FOXN1: variants seen among roughly 807,000 people sequenced by gnomAD.
FOXN1 encodes forkhead box protein N1.
In FOXN1, 15 loss-of-function variants were observed where a neutral mutation model predicts 49.0. That is an observed-to-expected ratio of 0.31 (90% CI 0.20 to 0.47). The LOEUF (loss-of-function observed/expected upper bound fraction) is 0.47, where lower values mean the gene tolerates loss of function less well. Ranked by LOEUF, FOXN1 falls within the 20% of genes least tolerant of loss-of-function variation. FOXN1 has a pLI of 1.00. For synonymous variants in FOXN1, 356 were observed against 369.0 expected, an observed-to-expected ratio of 0.96 and a Z score of 0.40; for missense variants, 800 against 842.8, an observed-to-expected ratio of 0.95 and a Z score of 0.63.
chr17:28,514,674 C>T (rs1180225348), intron 1 of FOXN1, among the ~76,000 whole-genome samples: 3 of 152,164 alleles, frequency 2.0e-5, no homozygotes, highest in African/African-American at 7.2e-5. Flanking sequence ...AAACATGCTG[C>T]CGCAGCCAGC....
At position 28,534,031 on chromosome 17, in the gene FOXN1, G is replaced by T. The variant is rs951582889; in HGVS notation, c.928-300G>T. Among the ~76,000 whole-genome samples the T allele has an allele frequency of 2.6e-5, 4 of 152,176 alleles. No individual in the cohort carries two copies. The highest frequency in any genetic ancestry group is 9.7e-5 in the African/African-American group (4 of 41,444). Reference sequence around the variant, plus strand: ...TTGTGGGTCAGAAGGCCTCTGTAGCGCCCACCAGCCCTGGCTTTCCGAATC... The same window carrying T: ...TTGTGGGTCAGAAGGCCTCTGTAGCTCCCACCAGCCCTGGCTTTCCGAATC... On this transcript the variant is annotated intron_variant, in intron 6 of 8. Transcript: ENST00000579795. The surrounding 1 kb of genome is among the most constrained non-coding windows in gnomAD (Gnocchi z 4.1).
chr17:28,533,975 G>T (rs1456415892), intron 6 of FOXN1, among the ~76,000 whole-genome samples: 1 of 152,224 alleles, frequency 6.6e-6, no homozygotes, highest in East Asian at 1.9e-4. Context: ...GAGACCCAGT[G>T]GGGAGTGGCT....
chr17:28,530,014 T>TAA (rs59048773), intron 5 of FOXN1, among the ~76,000 whole-genome samples: 4 of 128,974 alleles, frequency 3.1e-5, no homozygotes, highest in African/African-American at 8.5e-5. Context: ...TATTCCTCTT[T>TAA]AAAAAAAAAA....
At chr17:28,526,414 G>A (rs1266856753) in intron 3 of FOXN1, among the ~76,000 whole-genome samples, 2 of 152,238 alleles carry the variant, frequency 1.3e-5, no homozygotes, top group African/African-American at 2.4e-5. Flanking sequence ...ACCCCAGGAA[G>A]TGCAATCCGC....
Position 28,518,558 on chromosome 17 carries a change from C to A in FOXN1, c.-14-5398C>A, listed in dbSNP as rs557526429. Among the ~76,000 whole-genome samples the A allele has an allele frequency of 4.6e-5, 7 of 152,312 alleles. No homozygotes were observed. The East Asian group carries it at 1.3e-3, about 29-fold the overall frequency. On this transcript the variant is annotated intron_variant, in intron 1 of 8. Coordinates refer to ENST00000579795, the MANE Select transcript of FOXN1 (RefSeq NM_001369369.1). ...GATGATTATTGATCCTGTTGTCAGC[C>A]TTTCTGGGAAATTTCTCACTCGTCA...
chr17:28,538,399 C>T lies in FOXN1; in HGVS notation c.*963C>T, dbSNP rs1281896169. 6.6e-6 allele frequency: 1 copy of T among 152,242 alleles called. No individual in the cohort carries two copies. The highest frequency in any genetic ancestry group is 1.5e-5 in the Non-Finnish European group (1 of 68,044). 9.4% of individuals were successfully genotyped at this position (152,242 alleles called of 1,614,324 possible). A position where few individuals can be genotyped will look rare whatever the true frequency, so the allele number is the denominator to read the frequency against. ...ACTTTAAGATGGTGCAAAAGCAATA[C>T]ACATTCAGTATGTTCCTCGACTTAG... On this transcript the variant is annotated 3_prime_UTR_variant, in exon 9 of 9. Coordinates refer to ENST00000579795, the MANE Select transcript of FOXN1 (RefSeq NM_001369369.1).
intron 3 of FOXN1, 38 bp downstream of exon 3, chr17:28,525,005 C>A (rs1422514465): frequency 6.8e-7 from 1 of 1,470,992 alleles, no homozygotes; most frequent in Non-Finnish European, 9.4e-7. Flanking sequence ...CATCTTCCCA[C>A]TGTCCCAGTT....
At chr17:28,507,971 C>G (rs1361869847) in intron 1 of FOXN1, among the ~76,000 whole-genome samples, 1 of 152,188 alleles carries the variant, frequency 6.6e-6, no homozygotes, top group African/African-American at 2.4e-5. Flanking sequence ...TCCTCAAAGG[C>G]GAAGGAGCCA....
chr17:28,509,595 C>A (rs1261997351), intron 1 of FOXN1, among the ~76,000 whole-genome samples: 3 of 152,244 alleles, frequency 2.0e-5, no homozygotes, highest in Non-Finnish European at 1.5e-5. Flanking sequence ...AGGACAAGAT[C>A]ATCCCTGGAG....
At chr17:28,518,334 G>T (rs1393754303) in intron 1 of FOXN1, among the ~76,000 whole-genome samples, 5 of 152,230 alleles carry the variant, frequency 3.3e-5, no homozygotes, top group African/African-American at 4.8e-5. Flanking sequence ...GAAAGGGGAA[G>T]TGAGTTATCC....
chr17:28,508,918 T>G (rs1330493166), intron 1 of FOXN1, among the ~76,000 whole-genome samples: 1 of 150,918 alleles, frequency 6.6e-6, no homozygotes, highest in East Asian at 2.0e-4. Flanking sequence ...GCAGCAGGAG[T>G]GACTGACAGA....
chr17:28,511,053 A>G lies in FOXN1; in HGVS notation c.-15+4610A>G, dbSNP rs112529823. 3.9e-3 allele frequency among the ~76,000 whole-genome samples: 584 copies of G among 151,050 alleles called. 7 individuals carry two copies. Among genetic ancestry groups the G allele is most frequent in the Non-Finnish European group, 4.9e-3 (330 of 67,640 alleles). ...ACCTGGAGGAAGGAGCAGCGCACAG[A>G]TGCCTGCATAGCAGGGAACAATCTC... On this transcript the variant is annotated intron_variant, in intron 1 of 8. Transcript: ENST00000579795.
chr17:28,509,024 G>A (rs892836037), intron 1 of FOXN1, among the ~76,000 whole-genome samples: 2 of 151,884 alleles, frequency 1.3e-5, no homozygotes, highest in Admixed American at 6.6e-5. Context: ...CATTGATCTG[G>A]GGTGGGTGGG....
chr17:28,534,690 T>C lies in FOXN1; in HGVS notation c.1136-17T>C. The C allele has an allele frequency of 6.2e-7, 1 of 1,613,018 alleles. No homozygotes were observed. The highest frequency in any genetic ancestry group is 8.5e-7 in the Non-Finnish European group (1 of 1,179,894). ...GAGGGAGGTCTCATGGTGTTCTTTC[T>C]CTCTTGGGCCTTTCAGAAGAGCTGG... On this transcript the variant is annotated splice_polypyrimidine_tract_variant and intron_variant, in intron 7 of 8. Transcript: ENST00000579795. The surrounding 1 kb of genome is among the most constrained non-coding windows in gnomAD (Gnocchi z 4.1).
chr17:28,519,194 G>A (rs760484685), intron 1 of FOXN1, among the ~76,000 whole-genome samples: 6 of 152,128 alleles, frequency 3.9e-5, no homozygotes, highest in South Asian at 2.1e-4. Flanking sequence ...GGCTGGGCGC[G>A]GTGGTGCACA....
intron 5 of FOXN1, among the ~76,000 whole-genome samples, chr17:28,529,948 G>T (rs563271319): frequency 3.3e-5 from 5 of 151,770 alleles, no homozygotes; most frequent in Admixed American, 6.6e-5. Flanking sequence ...GACCAGCTGT[G>T]GAACTGACCA....
rs1007520777 is a variant in FOXN1, at chr17:28,537,487, G to C, written c.*51G>C. The C allele has an allele frequency of 1.4e-6, 2 of 1,450,184 alleles. No homozygotes were observed. Among genetic ancestry groups the C allele is most frequent in the Non-Finnish European group, 1.9e-6 (2 of 1,033,200 alleles). 89.8% of individuals were successfully genotyped at this position (1,450,184 alleles called of 1,614,324 possible). On this transcript the variant is annotated 3_prime_UTR_variant, in exon 9 of 9. Transcript: ENST00000579795. The stretch of plus-strand genomic sequence containing the variant: ...GCGTTTGCCTGGTCTGGAAGTCCTG[G>C]CCGGCCGCCCACATCGGGCTCACCT...
In FOXN1 at chr17:28,531,055, G is replaced by A. The variant is rs547236436; in HGVS notation, c.927+210G>A. ...AAGTGGGGAACAGAGAGCCCAAGTG[G>A]CTCATCCAAGGTTGCACAGCAGACT... is the stretch of plus-strand genomic sequence containing the variant. On this transcript the variant is annotated intron_variant, in intron 6 of 8. Coordinates refer to ENST00000579795, the MANE Select transcript of FOXN1 (RefSeq NM_001369369.1). Among the ~76,000 whole-genome samples, 21 of 152,352 alleles carry A rather than the reference G, an allele frequency of 1.4e-4. 1 individual carries two copies. The highest frequency in any genetic ancestry group is 4.6e-4 in the African/African-American group (19 of 41,588).
intron 1 of FOXN1, among the ~76,000 whole-genome samples, chr17:28,513,071 C>G (rs2069425660): frequency 1.3e-5 from 2 of 152,184 alleles, no homozygotes; most frequent in Non-Finnish European, 2.9e-5. Flanking sequence ...ATAAACATCC[C>G]CAGCTTGGCC....
Sources: gnomAD v4.1 joint callset for allele counts (sites outside exome capture counted in the v4.1 genomes callset) on GRCh38, gnomAD v4.1.1 for gene constraint, Gnocchi (gnomAD v3.1) non-coding constraint, MANE v1.5 for transcripts, NCBI Gene and HGNC (gene_info 2026-07-23, HGNC 2026-07-21) for gene names.